Variants in SLC24A2 observed in about 807,000 individuals in gnomAD.
The protein encoded by SLC24A2 is solute carrier family 24 member 2, also known as sodium/potassium/calcium exchanger 2.
Under a neutral mutation model 62.0 loss-of-function variants are expected in SLC24A2, and 36 were observed. The ratio of observed to expected loss-of-function variants is 0.58; its 90% CI spans 0.44 to 0.77. The LOEUF (loss-of-function observed/expected upper bound fraction) is 0.77. Ranked by LOEUF, SLC24A2 falls within the 30% of genes least tolerant of loss-of-function variation. The probability of loss-of-function intolerance (pLI) is 0.00; values close to 1 mark genes in which losing one functional copy is unlikely to be tolerated. For missense variants in SLC24A2, 846 were observed against 817.9 expected (o/e 1.03, Z -0.42); for synonymous variants, 358 against 294.0 (o/e 1.22, Z -2.23).
intron 5 of SLC24A2, 87 bp downstream of exon 5, chr9:19,597,142 G>A: frequency 1.1e-6 from 1 of 873,090 alleles, no homozygotes; most frequent in Middle Eastern, 2.2e-4. Flanking sequence ...GTCATGCAGA[G>A]AGGAAAAAAA....
the SLC24A2 span, among the ~76,000 whole-genome samples, chr9:20,043,958 C>G: frequency 6.6e-6 from 1 of 152,156 alleles, no homozygotes. Flanking sequence ...AAAAATCAAT[C>G]AATGCAGCAA....
chr9:19,988,126 A>G, the SLC24A2 span, among the ~76,000 whole-genome samples: 1 of 152,182 alleles, frequency 6.6e-6, no homozygotes, highest in South Asian at 2.1e-4. Flanking sequence ...ATAGGAATTT[A>G]GGGTTTTTTT....
chr9:20,058,367 A>G, the SLC24A2 span, among the ~76,000 whole-genome samples: 2 of 152,184 alleles, frequency 1.3e-5, no homozygotes, highest in African/African-American at 4.8e-5. Context: ...CCTACTGTGA[A>G]GCATATTTTG....
At chr9:20,008,356 G>C in the SLC24A2 span, among the ~76,000 whole-genome samples, 2 of 152,138 alleles carry the variant, frequency 1.3e-5, no homozygotes, top group Non-Finnish European at 2.9e-5. Flanking sequence ...GACTCACTCT[G>C]TCTTCGCCTG....
At chr9:20,211,574 G>T in the SLC24A2 span, among the ~76,000 whole-genome samples, 1 of 152,128 alleles carries the variant, frequency 6.6e-6, no homozygotes, top group Admixed American at 6.5e-5. Context: ...TTGGAGTATT[G>T]AAATCAGCTA....
the SLC24A2 span, among the ~76,000 whole-genome samples, chr9:20,015,284 C>T: frequency 6.6e-6 from 1 of 152,180 alleles, no homozygotes; most frequent in Non-Finnish European, 1.5e-5. Context: ...CTGGAACCTG[C>T]ATCAGCCTCA....
At chr9:20,238,710 G>A in the SLC24A2 span, among the ~76,000 whole-genome samples, 1 of 152,146 alleles carries the variant, frequency 6.6e-6, no homozygotes, top group Non-Finnish European at 1.5e-5. Context: ...TCTTAGCTTT[G>A]TGTACATCTG....
the SLC24A2 span, among the ~76,000 whole-genome samples, chr9:20,152,345 T>A: frequency 6.6e-6 from 1 of 151,892 alleles, no homozygotes; most frequent in Non-Finnish European, 1.5e-5. Flanking sequence ...ATCCCACGTA[T>A]TTTGCAGACT....
chr9:19,703,751 T>C lies in SLC24A2; in HGVS notation c.931-81452A>G, dbSNP rs572299541. ...AAGCTCTGTCTTGGTTCACTGCAGA[T>C]AGGGGAAAATGCACATATATGACAG... On this transcript the variant is annotated intron_variant, in intron 2 of 10. Coordinates refer to ENST00000341998, the MANE Select transcript of SLC24A2 (RefSeq NM_020344.4). 7.9e-5 allele frequency among the ~76,000 whole-genome samples: 12 copies of C among 152,260 alleles called. No homozygotes were observed. The East Asian group carries it at 2.1e-3, about 27-fold the overall frequency.
At chr9:19,780,562 G>A (rs1013046275) in intron 2 of SLC24A2, among the ~76,000 whole-genome samples, 6 of 150,728 alleles carry the variant, frequency 4.0e-5, no homozygotes, top group Non-Finnish European at 7.4e-5. Flanking sequence ...CACCGCGCCC[G>A]GCCACACAGG....
the SLC24A2 span, among the ~76,000 whole-genome samples, chr9:20,166,056 T>C: frequency 2.0e-5 from 3 of 151,866 alleles, no homozygotes; most frequent in Non-Finnish European, 4.4e-5. Flanking sequence ...CATTATAAGA[T>C]TGACACAATT....
At chr9:19,926,885 GA>G in the SLC24A2 span, 1 of 152,548 alleles carries the variant, frequency 6.6e-6, no homozygotes, top group Non-Finnish European at 1.5e-5. Context: ...GCAGAGTCTG[GA>G]AGAGCCCCCG....
the SLC24A2 span, among the ~76,000 whole-genome samples, chr9:20,237,678 ATTTT>A: frequency 6.6e-6 from 1 of 151,374 alleles, no homozygotes; most frequent in Non-Finnish European, 1.5e-5. Context: ...AAGCACTCCG[ATTTT>A]TTTTTGTTTT....
In SLC24A2 at chr9:19,788,629, C is replaced by T. The variant is rs1267880621; in HGVS notation, c.-154+256G>A. ...TGGGGAATGGAAGCGCCCCTCTGCG[C>T]GTCTCCCCCGACGGCAGGCCCTGCC... On this transcript the variant is annotated intron_variant, in intron 1 of 10. Transcript: ENST00000341998. 3 of 985,464 alleles carry T rather than the reference C, an allele frequency of 3.0e-6. No homozygotes were observed. The African/African-American group carries it at 5.2e-5, about 17-fold the overall frequency. 61.0% of individuals were successfully genotyped at this position (985,464 alleles called of 1,614,324 possible). A position where few individuals can be genotyped will look rare whatever the true frequency, so the allele number is the denominator to read the frequency against.
At chr9:19,865,794 A>G in the SLC24A2 span, among the ~76,000 whole-genome samples, 1 of 152,212 alleles carries the variant, frequency 6.6e-6, no homozygotes, top group Non-Finnish European at 1.5e-5. Flanking sequence ...CTGGGCAAAC[A>G]TTTTTTGAAT....
At chr9:19,542,971 C>T (rs562040807) in intron 8 of SLC24A2, among the ~76,000 whole-genome samples, 2 of 152,178 alleles carry the variant, frequency 1.3e-5, no homozygotes. Context: ...AGGGAGGATC[C>T]CCTCTTTTTC....
At chr9:20,057,615 G>C in the SLC24A2 span, among the ~76,000 whole-genome samples, 1 of 152,142 alleles carries the variant, frequency 6.6e-6, no homozygotes, top group Admixed American at 6.5e-5. Context: ...CCGTTGGATG[G>C]AGTACTTGTT....
At chr9:19,877,574 C>G in the SLC24A2 span, among the ~76,000 whole-genome samples, 1 of 151,720 alleles carries the variant, frequency 6.6e-6, no homozygotes, top group African/African-American at 2.4e-5. Flanking sequence ...TAGTGGCAGT[C>G]AGGACAAAGC....
intron 7 of SLC24A2, among the ~76,000 whole-genome samples, chr9:19,572,562 C>T (rs148965485): frequency 1.5e-3 from 227 of 152,276 alleles, no homozygotes; most frequent in African/African-American, 5.2e-3. Context: ...GTAAGACATG[C>T]TTGCTTCCCC....
Sources: gnomAD v4.1 joint callset for allele counts (sites outside exome capture counted in the v4.1 genomes callset) on GRCh38, gnomAD v4.1.1 for gene constraint, MANE v1.5 for transcripts, NCBI Gene and HGNC (gene_info 2026-07-23, HGNC 2026-07-21) for gene names.